The following DPY19L1 variants were observed in gnomAD, a reference collection of about 807,000 sequenced individuals.
DPY19L1 encodes dpy-19 like C-mannosyltransferase 1.
Under a neutral mutation model 96.9 loss-of-function variants are expected in DPY19L1, and 35 were observed. The observed-to-expected ratio is 0.36, with a 90% confidence interval of 0.28 to 0.48. DPY19L1 has a LOEUF of 0.48. DPY19L1 is among the 20% of genes least tolerant of loss of function. The pLI is 0.99. For synonymous variants in DPY19L1, 205 were observed against 252.6 expected (o/e 0.81, Z 1.79); for missense variants, 521 against 777.9 (o/e 0.67, Z 3.93).
chr7:35,025,639 T>C (rs1000085979), intron 1 of DPY19L1, among the ~76,000 whole-genome samples: 2 of 152,180 alleles, frequency 1.3e-5, no homozygotes, highest in South Asian at 2.1e-4. Context: ...CCACCACTTA[T>C]ACTGATGATA....
intron 10 of DPY19L1, among the ~76,000 whole-genome samples, chr7:34,963,067 T>A (rs1247285066): frequency 6.6e-6 from 1 of 151,838 alleles, no homozygotes; most frequent in East Asian, 1.9e-4. Context: ...TGGTGGCACA[T>A]GCCTCTAATC....
chr7:34,990,262 T>C (rs1481059414), intron 6 of DPY19L1, among the ~76,000 whole-genome samples: 2 of 152,220 alleles, frequency 1.3e-5, no homozygotes, highest in East Asian at 1.9e-4. Context: ...TTATTTTCTT[T>C]AGTACCTCAT....
chr7:35,001,561 T>C (rs748969377), intron 6 of DPY19L1, among the ~76,000 whole-genome samples: 39 of 152,150 alleles, frequency 2.6e-4, no homozygotes, highest in Non-Finnish European at 5.0e-4. Context: ...AATAAAACAC[T>C]GCACCTCCCT....
intron 7 of DPY19L1, among the ~76,000 whole-genome samples, chr7:34,975,347 G>A (rs2128669013): frequency 6.6e-6 from 1 of 152,298 alleles, no homozygotes; most frequent in South Asian, 2.1e-4. Context: ...GATCAAACCA[G>A]CCACATTTCC....
intron 17 of DPY19L1, 133 bp downstream of exon 17, chr7:34,942,480 TAA>T: frequency 1.4e-6 from 1 of 726,012 alleles, no homozygotes; most frequent in South Asian, 1.6e-5. Context: ...AGCATTCTCA[TAA>T]AAACACATAA....
chr7:34,978,906 T>C (rs1175750753), intron 7 of DPY19L1, among the ~76,000 whole-genome samples: 2 of 152,126 alleles, frequency 1.3e-5, no homozygotes, highest in African/African-American at 4.8e-5. Flanking sequence ...ATTTTCATAT[T>C]ATGCACAGCC....
At chr7:34,954,653 C>T (rs4000110) in intron 13 of DPY19L1, 45 bp downstream of exon 13, 7 of 1,149,562 alleles carry the variant, frequency 6.1e-6, no homozygotes, top group South Asian at 4.2e-5. Flanking sequence ...TTAGCCTATT[C>T]GATTCTTTTC....
At chr7:34,959,620 A>T (rs1201222471) in intron 10 of DPY19L1, among the ~76,000 whole-genome samples, 1 of 151,886 alleles carries the variant, frequency 6.6e-6, no homozygotes, top group Non-Finnish European at 1.5e-5. Flanking sequence ...AGGAACAGAA[A>T]ACCAAACACT....
intron 15 of DPY19L1, 84 bp downstream of exon 15, chr7:34,947,546 A>G: frequency 8.9e-7 from 1 of 1,126,962 alleles, no homozygotes; most frequent in Non-Finnish European, 1.3e-6. Context: ...TGTATCAGAT[A>G]AATGTGGCCA....
In DPY19L1 at chr7:34,929,243, T is replaced by C. The variant is rs1291956626; in HGVS notation, c.*2330A>G. ...TGTTTTGTACGCCTATGGAACCTGC[T>C]ACCAATCTGCATTGCCATCAAAGGT... On this transcript the variant is annotated 3_prime_UTR_variant, in exon 22 of 22. Coordinates refer to ENST00000638088, the MANE Select transcript of DPY19L1 (RefSeq NM_001366673.1). 6.6e-6 allele frequency: 1 copy of C among 152,254 alleles called. No homozygotes were observed. Among genetic ancestry groups the C allele is most frequent in the African/African-American group, 2.4e-5 (1 of 41,464 alleles). 9.4% of individuals were successfully genotyped at this position (152,254 alleles called of 1,614,324 possible).
At position 34,981,875 on chromosome 7, in the gene DPY19L1, G is replaced by A. The variant is rs536913348; in HGVS notation, c.822+8009C>T. On this transcript the variant is annotated intron_variant, in intron 7 of 21. Transcript: ENST00000638088. ...CTGAGGCATGAGAATCCTTGAACCC[G>A]GGAGGCAGAGGCTACAGTGAGCCAA... is the stretch of plus-strand genomic sequence containing the variant. Among the ~76,000 whole-genome samples the A allele has an allele frequency of 8.5e-5, 13 of 152,178 alleles. No homozygotes were observed. In the East Asian group the frequency reaches 1.2e-3, roughly 14 times the overall value.
At chr7:35,018,787 C>A (rs184078312) in intron 1 of DPY19L1, among the ~76,000 whole-genome samples, 191 bp from the exon 2 acceptor site, 24 of 152,256 alleles carry the variant, frequency 1.6e-4, no homozygotes, top group Non-Finnish European at 3.1e-4. Flanking sequence ...CATACAGCCA[C>A]CATTTTCACT....
At chr7:35,034,608 A>G (rs1786341527) in intron 1 of DPY19L1, among the ~76,000 whole-genome samples, 1 of 152,236 alleles carries the variant, frequency 6.6e-6, no homozygotes, top group African/African-American at 2.4e-5. Context: ...CCTGCCCAAC[A>G]GTGGAAAGAC....
In DPY19L1 at chr7:34,962,756, C is replaced by T. The variant is rs528431516; in HGVS notation, c.1092+4138G>A. 6.6e-5 allele frequency among the ~76,000 whole-genome samples: 10 copies of T among 152,108 alleles called. No homozygotes were observed. The East Asian group carries it at 9.7e-4, about 15-fold the overall frequency. ...GAAAAGTGAGGCCTAACGTAAACTA[C>T]GGACTTTGGGTGATTCTGATGTGTG... On this transcript the variant is annotated intron_variant, in intron 10 of 21. Coordinates refer to ENST00000638088, the MANE Select transcript of DPY19L1 (RefSeq NM_001366673.1).
intron 21 of DPY19L1, among the ~76,000 whole-genome samples, chr7:34,937,209 A>C (rs1312833217): frequency 6.6e-6 from 1 of 152,272 alleles, no homozygotes; most frequent in Non-Finnish European, 1.5e-5. Context: ...ATAGAAACTT[A>C]AAAACTATAA....
intron 6 of DPY19L1, among the ~76,000 whole-genome samples, chr7:34,991,866 ACTTAAAGGG>A (rs1785175214): frequency 3.9e-5 from 6 of 152,330 alleles, no homozygotes; most frequent in African/African-American, 1.4e-4. Flanking sequence ...ATGTATGTAA[ACTTAAAGGG>A]ATTATTTTTA....
intron 1 of DPY19L1, among the ~76,000 whole-genome samples, chr7:35,025,092 C>T (rs917390327): frequency 4.6e-5 from 7 of 152,036 alleles, no homozygotes; most frequent in African/African-American, 1.7e-4. Flanking sequence ...ATTAAAGTAC[C>T]TGGAATCAAA....
At chr7:34,959,033 A>C (rs1649230) in intron 10 of DPY19L1, among the ~76,000 whole-genome samples, 73,310 of 151,520 alleles carry the variant, frequency 0.48, 18,231 homozygotes, top group Admixed American at 0.63. Flanking sequence ...GAAAAAAAAA[A>C]CCATCAAAAA....
intron 1 of DPY19L1, among the ~76,000 whole-genome samples, chr7:35,024,037 C>T (rs73110543): frequency 0.27 from 41,157 of 151,360 alleles, 5,724 homozygotes; most frequent in Non-Finnish European, 0.31. Context: ...GGGGTTTCAC[C>T]GTGCTAACCA....
Sources: allele counts gnomAD v4.1 joint callset (sites outside exome capture counted in the v4.1 genomes callset), GRCh38; gene constraint gnomAD v4.1.1; transcripts MANE v1.5; gene names NCBI Gene and HGNC (gene_info 2026-07-23, HGNC 2026-07-21).